MSH3: variants seen among roughly 807,000 people sequenced by gnomAD.
MSH3 encodes mutS homolog 3, also known as DNA mismatch repair protein Msh3.
In MSH3, 106 loss-of-function variants were observed where a neutral mutation model predicts 123.3. That is an observed-to-expected ratio of 0.86 (90% CI 0.73 to 1.01). The LOEUF (loss-of-function observed/expected upper bound fraction) is 1.01, where lower values mean the gene tolerates loss of function less well. Ranked by LOEUF, MSH3 falls within the 50% of genes least tolerant of loss-of-function variation. MSH3 has a pLI of 0.00. For missense variants in MSH3, 1,459 were observed against 1,347.6 expected (o/e 1.08, Z -1.29); for synonymous variants, 515 against 481.4 (o/e 1.07, Z -0.91).
rs1746256592 is a variant in MSH3 at position 80,873,426 on chromosome 5, TG to T, written c.3302+140del. The T allele has an allele frequency of 5.9e-6, 5 of 843,354 alleles. No individual in the cohort carries two copies. In the South Asian group the frequency reaches 8.4e-5, roughly 14 times the overall value. The allele number at this position is 843,354 out of a possible 1,614,324, so 52.2% of individuals were successfully genotyped here. On this transcript the variant is annotated intron_variant, in intron 23 of 23. Coordinates refer to ENST00000265081, the MANE Select transcript of MSH3 (RefSeq NM_002439.5). ...AATATTCTGAACCATTTAATTATGA[TG>T]AAGTGAAAACAGCTCTTGCAAAGCT...
intron 16 of MSH3, 133 bp from the exon 17 acceptor site, chr5:80,778,587 A>T: frequency 1.4e-6 from 1 of 700,808 alleles, no homozygotes; most frequent in Non-Finnish European, 2.6e-6. Flanking sequence ...TAATTAAAGA[A>T]TGTTCTTCTG....
At chr5:80,735,567 G>A (rs1743491442) in intron 10 of MSH3, among the ~76,000 whole-genome samples, 1 of 151,108 alleles carries the variant, frequency 6.6e-6, no homozygotes, top group African/African-American at 2.4e-5. Context: ...GGCACCTGTA[G>A]TCCCAGCCAC....
At chr5:80,829,465 A>G (rs1745381345) in intron 20 of MSH3, among the ~76,000 whole-genome samples, 1 of 152,130 alleles carries the variant, frequency 6.6e-6, no homozygotes, top group African/African-American at 2.4e-5. Context: ...GATTTTATCA[A>G]ATGCTTTCTA....
At chr5:80,654,996 C>T (rs1234091069) in intron 1 of MSH3, 32 bp downstream of exon 1, 11 of 1,233,396 alleles carry the variant, frequency 8.9e-6, no homozygotes, top group Non-Finnish European at 1.2e-5. Context: ...GCAGGGCCAT[C>T]GGGGCTGGGG....
rs545581312 is a variant in MSH3, at chr5:80,656,336, G to A, written c.238-75G>A. 281 of 1,591,318 alleles carry A rather than the reference G, an allele frequency of 1.8e-4. 1 individual carries two copies. The South Asian group carries it at 3.0e-3, about 17-fold the overall frequency. On this transcript the variant is annotated intron_variant, in intron 1 of 23. Transcript: ENST00000265081. The stretch of plus-strand genomic sequence containing the variant: ...AGGAACCTTGTCATTCAGTTGTAAG[G>A]TTTAAATTGCTTCACATACGTCAGG...
chr5:80,751,378 A>G (rs1223351051), intron 12 of MSH3, among the ~76,000 whole-genome samples: 1 of 152,182 alleles, frequency 6.6e-6, no homozygotes, highest in Non-Finnish European at 1.5e-5. Flanking sequence ...ATCTACAACT[A>G]TCTGATTTTC....
intron 4 of MSH3, among the ~76,000 whole-genome samples, chr5:80,671,459 A>G (rs1379407140): frequency 6.6e-6 from 1 of 152,198 alleles, no homozygotes; most frequent in African/African-American, 2.4e-5. Flanking sequence ...CTGTGATATT[A>G]AATTAGGCTC....
intron 8 of MSH3, 118 bp from the exon 9 acceptor site, chr5:80,725,335 G>T: frequency 1.5e-6 from 1 of 689,574 alleles, no homozygotes; most frequent in Non-Finnish European, 2.5e-6. Flanking sequence ...TCTTCAACTT[G>T]GGAAAGAATA....
At chr5:80,792,243 G>T (rs918840412) in intron 18 of MSH3, among the ~76,000 whole-genome samples, 1 of 151,898 alleles carries the variant, frequency 6.6e-6, no homozygotes, top group Non-Finnish European at 1.5e-5. Context: ...ATAGAAAAAT[G>T]AAGAATAAAG....
At chr5:80,779,975 G>A (rs73125413) in intron 17 of MSH3, among the ~76,000 whole-genome samples, 17,251 of 152,134 alleles carry the variant, frequency 0.11, 1,049 homozygotes, top group African/African-American at 0.16. Context: ...TTTACATGTT[G>A]CATTTGGTAA....
intron 19 of MSH3, among the ~76,000 whole-genome samples, chr5:80,807,766 C>G (rs1744917444): frequency 6.6e-6 from 1 of 152,310 alleles, no homozygotes. Flanking sequence ...AGGAACCAGC[C>G]CTGGACAGGA....
chr5:80,867,402 A>G (rs1746125445), intron 22 of MSH3, among the ~76,000 whole-genome samples: 1 of 152,184 alleles, frequency 6.6e-6, no homozygotes, highest in Admixed American at 6.6e-5. Flanking sequence ...TTTTTCTCAG[A>G]TGCCTTCCAG....
At chr5:80,747,809 G>T (rs1450754495) in intron 12 of MSH3, among the ~76,000 whole-genome samples, 1 of 152,186 alleles carries the variant, frequency 6.6e-6, no homozygotes. Context: ...GGGTTTTAGC[G>T]TAGGAGCAGT....
intron 22 of MSH3, among the ~76,000 whole-genome samples, chr5:80,872,424 G>T (rs911553819): frequency 2.0e-5 from 3 of 152,154 alleles, no homozygotes; most frequent in Non-Finnish European, 4.4e-5. Context: ...AGCTGAGATT[G>T]CGCCACTGCA....
At chr5:80,682,954 A>G (rs1750004371) in intron 8 of MSH3, among the ~76,000 whole-genome samples, 1 of 152,132 alleles carries the variant, frequency 6.6e-6, no homozygotes, top group African/African-American at 2.4e-5. Context: ...GAGAACATGC[A>G]AAGTTTATCT....
intron 8 of MSH3, among the ~76,000 whole-genome samples, chr5:80,680,570 G>T (rs1046039506): frequency 1.4e-5 from 2 of 147,098 alleles, no homozygotes; most frequent in African/African-American, 2.5e-5. Context: ...TTTCTATTCT[G>T]TGGTTTTTTT....
At chr5:80,676,104 C>T (rs1048707878) in intron 7 of MSH3, among the ~76,000 whole-genome samples, 2 of 152,200 alleles carry the variant, frequency 1.3e-5, no homozygotes, top group Non-Finnish European at 2.9e-5. Flanking sequence ...GATCTTGGCT[C>T]ACTGCAACCT....
chr5:80,668,057 C>T (rs991468091), intron 3 of MSH3, among the ~76,000 whole-genome samples: 1 of 152,112 alleles, frequency 6.6e-6, no homozygotes, highest in Non-Finnish European at 1.5e-5. Flanking sequence ...AGGGGAGACC[C>T]GCAGTGGGTG....
intron 18 of MSH3, among the ~76,000 whole-genome samples, chr5:80,790,762 G>A (rs766618083): frequency 5.3e-5 from 8 of 152,060 alleles, no homozygotes; most frequent in South Asian, 2.1e-4. Flanking sequence ...AGAATTTTTC[G>A]TTGTTCACCC....
Sources: allele counts gnomAD v4.1 joint callset (sites outside exome capture counted in the v4.1 genomes callset), GRCh38; gene constraint gnomAD v4.1.1; transcripts MANE v1.5; gene names NCBI Gene and HGNC (gene_info 2026-07-23, HGNC 2026-07-21).